Variants in SLC24A2 observed in about 807,000 individuals in gnomAD.
SLC24A2 encodes sodium/potassium/calcium exchanger 2.
A neutral mutation model predicts 62.0 loss-of-function variants in SLC24A2; 36 were observed. That is an observed-to-expected ratio of 0.58 (90% CI 0.44 to 0.77). The LOEUF is 0.77. Ranked by LOEUF, SLC24A2 falls within the 30% of genes least tolerant of loss-of-function variation. SLC24A2 has a pLI of 0.00. For missense variants in SLC24A2, 846 were observed against 817.9 expected (o/e 1.03, Z -0.42); for synonymous variants, 358 against 294.0 (o/e 1.22, Z -2.23).
chr9:19,947,604 C>T, the SLC24A2 span, among the ~76,000 whole-genome samples: 2 of 151,678 alleles, frequency 1.3e-5, no homozygotes, highest in African/African-American at 4.8e-5. Flanking sequence ...TCCTGGCTAA[C>T]ACGGTGAAAC....
chr9:20,084,635 A>G, the SLC24A2 span, among the ~76,000 whole-genome samples: 1 of 151,962 alleles, frequency 6.6e-6, no homozygotes, highest in Non-Finnish European at 1.5e-5. Context: ...GACCTCATTC[A>G]TTGCTGGAGG....
the SLC24A2 span, among the ~76,000 whole-genome samples, chr9:20,274,359 G>A: frequency 3.2e-3 from 493 of 152,266 alleles, 3 homozygotes; most frequent in African/African-American, 0.011. Context: ...AGGCATTTTA[G>A]CTCGCATGAA....
At chr9:19,911,068 T>G in the SLC24A2 span, among the ~76,000 whole-genome samples, 1 of 76,916 alleles carries the variant, frequency 1.3e-5, no homozygotes, top group African/African-American at 5.5e-5. Context: ...CCCTCCCCCC[T>G]CCCCCCACCC....
chr9:20,253,801 G>C, the SLC24A2 span, among the ~76,000 whole-genome samples: 1 of 152,076 alleles, frequency 6.6e-6, no homozygotes, highest in African/African-American at 2.4e-5. Flanking sequence ...GTCAGTTCAC[G>C]GGGGGTCAGA....
the SLC24A2 span, among the ~76,000 whole-genome samples, chr9:20,200,302 T>A: frequency 9.3e-4 from 141 of 152,138 alleles, no homozygotes; most frequent in African/African-American, 3.2e-3. Flanking sequence ...ATATTGGGAG[T>A]CAACTTCTGG....
chr9:20,205,649 T>TAAAAAAAAAAA, the SLC24A2 span, among the ~76,000 whole-genome samples: 252 of 65,200 alleles, frequency 3.9e-3, no homozygotes, highest in African/African-American at 4.9e-3. Context: ...AGACTCCATC[T>TAAAAAAAAAAA]AAAAAAAAAA....
At chr9:19,776,286 G>C (rs1429039020) in intron 2 of SLC24A2, among the ~76,000 whole-genome samples, 2 of 152,210 alleles carry the variant, frequency 1.3e-5, no homozygotes, top group Non-Finnish European at 2.9e-5. Context: ...TTTGAAATCA[G>C]ACAGGCTCAA....
intron 5 of SLC24A2, among the ~76,000 whole-genome samples, chr9:19,582,206 G>C (rs1836230190): frequency 6.6e-6 from 1 of 152,142 alleles, no homozygotes; most frequent in Admixed American, 6.5e-5. Context: ...TCCTTGACCA[G>C]ATCATTCTGA....
chr9:19,786,947 A>C lies in SLC24A2; in HGVS notation c.-81T>G. On this transcript the variant is annotated 5_prime_UTR_variant, in exon 2 of 11. Transcript: ENST00000341998. The surrounding 1 kb of genome is among the most constrained non-coding windows in gnomAD (Gnocchi z 5.0). ...TCTTTCATACTTTTCCTTACTTTATAGTTAACGATGCTTGTGGGGTACTTT... is the reference window on the plus strand; with the variant it reads ...TCTTTCATACTTTTCCTTACTTTATCGTTAACGATGCTTGTGGGGTACTTT... 6 of 1,563,470 alleles carry C rather than the reference A, an allele frequency of 3.8e-6. No homozygotes were observed. The highest frequency in any genetic ancestry group is 5.2e-6 in the Non-Finnish European group (6 of 1,162,316).
chr9:19,897,429 C>T, the SLC24A2 span, among the ~76,000 whole-genome samples: 4 of 151,930 alleles, frequency 2.6e-5, no homozygotes, highest in Admixed American at 2.6e-4. Context: ...ACATAGAATC[C>T]TTTAAAAGCC....
the SLC24A2 span, among the ~76,000 whole-genome samples, chr9:19,908,422 T>C: frequency 6.6e-6 from 1 of 152,034 alleles, no homozygotes; most frequent in Non-Finnish European, 1.5e-5. Context: ...GACATAGGCA[T>C]GGGCAAGGAC....
chr9:20,100,467 G>C, the SLC24A2 span, among the ~76,000 whole-genome samples: 3 of 152,240 alleles, frequency 2.0e-5, no homozygotes, highest in Admixed American at 1.3e-4. Context: ...ATATACATCT[G>C]AACCCAGGTG....
At chr9:19,861,289 C>A in the SLC24A2 span, among the ~76,000 whole-genome samples, 2 of 152,192 alleles carry the variant, frequency 1.3e-5, no homozygotes, top group Admixed American at 6.5e-5. Flanking sequence ...AAACAAAAGT[C>A]TCTGTCTGGT....
At chr9:19,932,610 T>C in the SLC24A2 span, among the ~76,000 whole-genome samples, 2 of 152,212 alleles carry the variant, frequency 1.3e-5, no homozygotes, top group Non-Finnish European at 2.9e-5. Context: ...TAAGTTCACT[T>C]CGTGGGTATG....
the SLC24A2 span, among the ~76,000 whole-genome samples, chr9:20,105,987 T>C: frequency 2.5e-4 from 38 of 152,098 alleles, no homozygotes; most frequent in African/African-American, 8.0e-4. Context: ...AAGAATCAAA[T>C]AGACGCAATA....
At chr9:20,079,014 A>T in the SLC24A2 span, among the ~76,000 whole-genome samples, 6 of 144,346 alleles carry the variant, frequency 4.2e-5, no homozygotes, top group African/African-American at 1.5e-4. Flanking sequence ...TGTGAATGTG[A>T]CCTACTTAGA....
chr9:20,126,995 A>G, the SLC24A2 span, among the ~76,000 whole-genome samples: 1 of 152,214 alleles, frequency 6.6e-6, no homozygotes, highest in Non-Finnish European at 1.5e-5. Context: ...GTCAATTGAC[A>G]TAAATTAAAA....
intron 2 of SLC24A2, among the ~76,000 whole-genome samples, chr9:19,766,682 C>T (rs1387055446): frequency 6.6e-6 from 1 of 152,200 alleles, no homozygotes; most frequent in African/African-American, 2.4e-5. Flanking sequence ...CCCAGAGGGG[C>T]ACCTGCCAGA....
At chr9:19,919,126 T>C in the SLC24A2 span, among the ~76,000 whole-genome samples, 2 of 152,186 alleles carry the variant, frequency 1.3e-5, no homozygotes, top group Non-Finnish European at 2.9e-5. Flanking sequence ...ATGGAACCTA[T>C]CCGAGCTTGC....
Sources: allele counts gnomAD v4.1 joint callset (sites outside exome capture counted in the v4.1 genomes callset), GRCh38; gene constraint gnomAD v4.1.1; non-coding constraint Gnocchi (gnomAD v3.1); transcripts MANE v1.5; gene names NCBI Gene and HGNC (gene_info 2026-07-23, HGNC 2026-07-21).